CCSER1: variants seen among roughly 807,000 people sequenced by gnomAD.
CCSER1 encodes the protein coiled-coil serine rich protein 1, also known as serine-rich coiled-coil domain-containing protein 1.
In CCSER1, 41 loss-of-function variants were observed where a neutral mutation model predicts 82.0. The ratio of observed to expected loss-of-function variants is 0.50; its 90% CI spans 0.39 to 0.65. The LOEUF (loss-of-function observed/expected upper bound fraction) is 0.65, where lower values mean the gene tolerates loss of function less well. Among genes scored for constraint, CCSER1 ranks in the 30% least tolerant of loss-of-function variants. CCSER1 has a pLI of 0.00. For missense variants in CCSER1, 1,119 were observed against 1,064.2 expected (o/e 1.05, Z -0.72); for synonymous variants, 414 against 383.9 (o/e 1.08, Z -0.92).
intron 10 of CCSER1, among the ~76,000 whole-genome samples, chr4:91,277,544 G>A (rs1211107855): frequency 7.7e-6 from 1 of 129,592 alleles, no homozygotes. Context: ...TTTTTTTTTG[G>A]CTTCTGATTT....
At chr4:91,288,094 G>GAT (rs1268341549) in intron 10 of CCSER1, among the ~76,000 whole-genome samples, 2 of 140,950 alleles carry the variant, frequency 1.4e-5, no homozygotes, top group African/African-American at 5.3e-5. Flanking sequence ...ATATATATAG[G>GAT]ATATATATAT....
chr4:91,064,189 G>T (rs1744176843), intron 9 of CCSER1, among the ~76,000 whole-genome samples: 1 of 152,072 alleles, frequency 6.6e-6, no homozygotes, highest in African/African-American at 2.4e-5. Flanking sequence ...TTGTGATAAT[G>T]GTTTCCCAAT....
chr4:90,476,197 G>T (rs1200986028), intron 5 of CCSER1, among the ~76,000 whole-genome samples: 3 of 152,104 alleles, frequency 2.0e-5, no homozygotes, highest in Non-Finnish European at 4.4e-5. Flanking sequence ...GCATGTGAGA[G>T]AACTGTGTCA....
At chr4:90,455,208 G>A (rs1762010713) in intron 4 of CCSER1, among the ~76,000 whole-genome samples, 1 of 152,222 alleles carries the variant, frequency 6.6e-6, no homozygotes, top group Non-Finnish European at 1.5e-5. Context: ...TCCAGCTTCA[G>A]AATGGTATTA....
chr4:91,275,104 TA>T (rs527417495), intron 10 of CCSER1, among the ~76,000 whole-genome samples: 3,139 of 142,780 alleles, frequency 0.022, 109 homozygotes, highest in African/African-American at 0.07. Context: ...AGACTCCGTC[TA>T]AAAAAAAAAA....
chr4:91,469,715 T>C (rs964112862), intron 10 of CCSER1, among the ~76,000 whole-genome samples: 1 of 152,210 alleles, frequency 6.6e-6, no homozygotes, highest in Non-Finnish European at 1.5e-5. Context: ...ATTCTGCATA[T>C]TGTTTAAACA....
At chr4:90,318,513 A>G (rs987321454) in intron 3 of CCSER1, among the ~76,000 whole-genome samples, 3 of 152,206 alleles carry the variant, frequency 2.0e-5, no homozygotes, top group Non-Finnish European at 4.4e-5. Context: ...ACACAGTAAA[A>G]ACATAACTGT....
rs1170408306 is a variant in CCSER1 at position 90,359,891 on chromosome 4, GTGTGTGTA to G, written c.1510-40143_1510-40136del. 7.6e-5 allele frequency among the ~76,000 whole-genome samples: 6 copies of G among 79,470 alleles called. 1 individual carries two copies. Among genetic ancestry groups the G allele is most frequent in the African/African-American group, 4.3e-4 (6 of 13,978 alleles). The allele number at this position is 79,470 out of a possible 152,430, so 52.1% of individuals were successfully genotyped here. A position where few individuals can be genotyped will look rare whatever the true frequency, so the allele number is the denominator to read the frequency against. On this transcript the variant is annotated intron_variant, in intron 3 of 10. Coordinates refer to ENST00000509176, the MANE Select transcript of CCSER1 (RefSeq NM_001145065.2). The stretch of plus-strand genomic sequence containing the variant: ...TATATATATGTGTGTATATATATGT[GTGTGTGTA>G]TATATATATATATATGTATATAATT...
chr4:90,603,965 A>G (rs1784324299), intron 5 of CCSER1, among the ~76,000 whole-genome samples: 1 of 151,898 alleles, frequency 6.6e-6, no homozygotes, highest in Non-Finnish European at 1.5e-5. Context: ...AAGACCTAAC[A>G]TCTAGCATCA....
At chr4:90,727,423 G>T in intron 7 of CCSER1, 1 of 371,490 alleles carries the variant, frequency 2.7e-6, no homozygotes, top group Non-Finnish European at 5.3e-6. Flanking sequence ...AGTTTTCTGA[G>T]GACTAAACCT....
At chr4:90,261,091 G>T (rs900360612) in intron 1 of CCSER1, among the ~76,000 whole-genome samples, 20 of 151,694 alleles carry the variant, frequency 1.3e-4, no homozygotes, top group African/African-American at 4.6e-4. Flanking sequence ...TACATTCAAT[G>T]TTATTATTGA....
intron 9 of CCSER1, among the ~76,000 whole-genome samples, chr4:90,988,743 A>G (rs534676133): frequency 6.6e-6 from 1 of 151,808 alleles, no homozygotes; most frequent in Non-Finnish European, 1.5e-5. Context: ...ACATATTTGT[A>G]TTTGTTACTG....
chr4:90,564,713 TAA>T (rs1779171715), intron 5 of CCSER1, among the ~76,000 whole-genome samples: 1 of 151,624 alleles, frequency 6.6e-6, no homozygotes, highest in African/African-American at 2.4e-5. Context: ...TGGTGTGAGA[TAA>T]GAGTCTAATT....
intron 10 of CCSER1, among the ~76,000 whole-genome samples, chr4:91,150,901 T>G (rs1465712496): frequency 6.6e-6 from 1 of 152,216 alleles, no homozygotes; most frequent in Non-Finnish European, 1.5e-5. Flanking sequence ...TTTGCATTGA[T>G]GTTCATCAGG....
chr4:90,908,434 A>G lies in CCSER1; in HGVS notation c.2095-14936A>G, dbSNP rs190553010. ...TAAAATAGATAAGGTGATATAAGGC[A>G]GGGGCTGGCTGTACATCATGGTAAA... On this transcript the variant is annotated intron_variant, in intron 8 of 10. Coordinates refer to ENST00000509176, the MANE Select transcript of CCSER1 (RefSeq NM_001145065.2). Among the ~76,000 whole-genome samples the G allele has an allele frequency of 3.0e-4, 46 of 152,266 alleles. No homozygotes were observed. The East Asian group carries it at 8.3e-3, about 27-fold the overall frequency.
intron 10 of CCSER1, among the ~76,000 whole-genome samples, chr4:91,109,722 A>G (rs963792522): frequency 6.6e-5 from 10 of 152,156 alleles, no homozygotes; most frequent in African/African-American, 2.4e-4. Flanking sequence ...ACTAGATGCT[A>G]CCTGGAGAAT....
At chr4:90,531,829 T>G (rs1352768942) in intron 5 of CCSER1, among the ~76,000 whole-genome samples, 1 of 152,162 alleles carries the variant, frequency 6.6e-6, no homozygotes, top group East Asian at 1.9e-4. Context: ...CCTAGTTTTC[T>G]TATTAAATTT....
At chr4:90,997,644 CACAT>C (rs944375676) in intron 9 of CCSER1, among the ~76,000 whole-genome samples, 1 of 152,146 alleles carries the variant, frequency 6.6e-6, no homozygotes, top group African/African-American at 2.4e-5. Context: ...ATTCATCACA[CACAT>C]ACATGCATAC....
chr4:91,378,685 G>T lies in CCSER1; in HGVS notation c.2218-219887G>T, dbSNP rs187059826. ...TGGGGTTTTCTAAATATACAATCTT[G>T]TCATCTGCAAAGAGGGACAATTTGA... On this transcript the variant is annotated intron_variant, in intron 10 of 10. Coordinates refer to ENST00000509176, the MANE Select transcript of CCSER1 (RefSeq NM_001145065.2). Among the ~76,000 whole-genome samples, 162 of 152,254 alleles carry T rather than the reference G, an allele frequency of 1.1e-3. 1 individual carries two copies. Among genetic ancestry groups the T allele is most frequent in the Non-Finnish European group, 1.8e-3 (122 of 68,022 alleles).
Sources: gnomAD v4.1 joint callset for allele counts (sites outside exome capture counted in the v4.1 genomes callset) on GRCh38, gnomAD v4.1.1 for gene constraint, MANE v1.5 for transcripts, NCBI Gene and HGNC (gene_info 2026-07-23, HGNC 2026-07-21) for gene names.